The following NPEPPS variants were observed in gnomAD, a reference collection of about 807,000 sequenced individuals.
NPEPPS encodes puromycin-sensitive aminopeptidase.
A neutral mutation model predicts 115.5 loss-of-function variants in NPEPPS; 14 were observed. The observed-to-expected ratio is 0.12, with a 90% CI of 0.08 to 0.19. The LOEUF is 0.19. NPEPPS is among the 10% of genes least tolerant of loss of function. NPEPPS has a pLI of 1.00. For missense variants in NPEPPS, 523 were observed against 1,110.8 expected (o/e 0.47, Z 7.52); for synonymous variants, 285 against 390.6 (o/e 0.73, Z 3.19).
chr17:47,569,781 T>C (rs992827748), intron 3 of NPEPPS, among the ~76,000 whole-genome samples: 11 of 152,120 alleles, frequency 7.2e-5, no homozygotes, highest in African/African-American at 2.7e-4. Flanking sequence ...CCACACCGGC[T>C]AATTTTTTTG....
intron 2 of NPEPPS, among the ~76,000 whole-genome samples, chr17:47,558,461 G>T: frequency 6.6e-6 from 1 of 151,284 alleles, no homozygotes; most frequent in East Asian, 2.0e-4. Flanking sequence ...ACGGAGTCTC[G>T]CTCTGTCACC....
At chr17:47,571,675 A>G (rs1419590878) in intron 3 of NPEPPS, among the ~76,000 whole-genome samples, 1 of 152,116 alleles carries the variant, frequency 6.6e-6, no homozygotes, top group East Asian at 1.9e-4. Context: ...CCGAGATCGC[A>G]CCACTGCACT....
intron 2 of NPEPPS, among the ~76,000 whole-genome samples, chr17:47,551,074 A>G (rs1374234798): frequency 2.6e-5 from 4 of 152,174 alleles, no homozygotes; most frequent in African/African-American, 7.2e-5. Flanking sequence ...AGACTTTTCT[A>G]TTTCTCAATG....
chr17:47,622,894 G>A lies in NPEPPS; in HGVS notation c.*974G>A, dbSNP rs553067928. The A allele has an allele frequency of 1.1e-5, 5 of 455,808 alleles. No homozygotes were observed. The highest frequency in any genetic ancestry group is 2.0e-5 in the African/African-American group (1 of 50,032). 28.2% of individuals were successfully genotyped at this position (455,808 alleles called of 1,614,324 possible). On this transcript the variant is annotated 3_prime_UTR_variant, in exon 23 of 23. Coordinates refer to ENST00000322157, the MANE Select transcript of NPEPPS (RefSeq NM_006310.4). ...AACAGTATCAACACTGGCTTCTCCC[G>A]GTTCATTTTATGCGTGCGAGAAGTC...
intron 2 of NPEPPS, among the ~76,000 whole-genome samples, chr17:47,558,841 T>G (rs1355901146): frequency 6.6e-6 from 1 of 151,760 alleles, no homozygotes; most frequent in African/African-American, 2.4e-5. Flanking sequence ...GAGACCATCC[T>G]GGTTAACATG....
intron 1 of NPEPPS, among the ~76,000 whole-genome samples, chr17:47,544,031 A>G (rs1908994729): frequency 6.6e-6 from 1 of 152,142 alleles, no homozygotes; most frequent in African/African-American, 2.4e-5. Flanking sequence ...AGTAGCTGGG[A>G]CTACAGGCAC....
At chr17:47,541,775 T>TTTA (rs1439855785) in intron 1 of NPEPPS, among the ~76,000 whole-genome samples, 20 of 152,202 alleles carry the variant, frequency 1.3e-4, no homozygotes, top group Non-Finnish European at 2.1e-4. Flanking sequence ...ACACAAAGGT[T>TTTA]TTAGTGCTAT....
At chr17:47,571,925 A>G (rs1183367668) in intron 3 of NPEPPS, among the ~76,000 whole-genome samples, 1 of 151,974 alleles carries the variant, frequency 6.6e-6, no homozygotes, top group Non-Finnish European at 1.5e-5. Flanking sequence ...AACCACTGAG[A>G]TTTCTTTCTT....
chr17:47,546,830 G>A (rs999732676), intron 2 of NPEPPS, among the ~76,000 whole-genome samples: 10 of 152,068 alleles, frequency 6.6e-5, no homozygotes, highest in African/African-American at 2.4e-4. Context: ...CACCACACCC[G>A]GCCAAATGTC....
chr17:47,592,323 G>A (rs978757732), intron 11 of NPEPPS, among the ~76,000 whole-genome samples, 162 bp from the exon 12 acceptor site: 23 of 151,976 alleles, frequency 1.5e-4, no homozygotes, highest in African/African-American at 5.3e-4. Flanking sequence ...CATAGAGTAC[G>A]CATTATTAAA....
intron 3 of NPEPPS, among the ~76,000 whole-genome samples, chr17:47,574,164 G>GA (rs1348752313): frequency 1.3e-5 from 2 of 152,068 alleles, no homozygotes; most frequent in Non-Finnish European, 2.9e-5. Flanking sequence ...AAGAAAGACT[G>GA]AAAATTAATT....
At chr17:47,605,101 A>G (rs1472728915) in intron 16 of NPEPPS, among the ~76,000 whole-genome samples, 1 of 152,242 alleles carries the variant, frequency 6.6e-6, no homozygotes, top group Non-Finnish European at 1.5e-5. Flanking sequence ...TTGTATAAAT[A>G]GCAAATGATT....
At chr17:47,535,826 G>C (rs909420192) in intron 1 of NPEPPS, among the ~76,000 whole-genome samples, 1 of 147,430 alleles carries the variant, frequency 6.8e-6, no homozygotes, top group Non-Finnish European at 1.5e-5. Flanking sequence ...ACAATAATTG[G>C]GTATTCTTTT....
intron 3 of NPEPPS, chr17:47,577,277 T>C: frequency 2.5e-6 from 1 of 397,438 alleles, no homozygotes; most frequent in South Asian, 1.9e-5. Flanking sequence ...ATCTTAACAG[T>C]TGATTGACTT....
At chr17:47,529,019 T>C (rs768173870), upstream of NPEPPS, among the ~76,000 whole-genome samples, 25 of 152,134 alleles carry the variant, frequency 1.6e-4, no homozygotes, top group Non-Finnish European at 7.4e-5. Context: ...TTTTCATTTG[T>C]TTCCTTTTTA....
intron 19 of NPEPPS, among the ~76,000 whole-genome samples, chr17:47,614,846 C>T (rs1007072075): frequency 1.3e-5 from 2 of 152,172 alleles, no homozygotes; most frequent in African/African-American, 2.4e-5. Flanking sequence ...TTTACTGTCT[C>T]TACCTTTCAT....
At chr17:47,616,448 C>G (rs939467689) in intron 19 of NPEPPS, among the ~76,000 whole-genome samples, 1 of 152,002 alleles carries the variant, frequency 6.6e-6, no homozygotes, top group Admixed American at 6.6e-5. Flanking sequence ...CTTTGGGAGG[C>G]CGAGGCGGGT....
At chr17:47,528,357 CA>C (rs1907523149), upstream of NPEPPS, among the ~76,000 whole-genome samples, 1 of 152,024 alleles carries the variant, frequency 6.6e-6, no homozygotes, top group African/African-American at 2.4e-5. Flanking sequence ...AGTAAGTGGT[CA>C]TAGAACTACA....
intron 1 of NPEPPS, among the ~76,000 whole-genome samples, chr17:47,531,936 CG>C (rs1199661937): frequency 6.6e-6 from 1 of 152,138 alleles, no homozygotes; most frequent in Non-Finnish European, 1.5e-5. Flanking sequence ...TGGGGGAGGA[CG>C]GAGAGGTCAT....
Sources: gnomAD v4.1 joint callset for allele counts (sites outside exome capture counted in the v4.1 genomes callset) on GRCh38, gnomAD v4.1.1 for gene constraint, MANE v1.5 for transcripts, NCBI Gene and HGNC (gene_info 2026-07-23, HGNC 2026-07-21) for gene names.